CPA6: variants seen among roughly 807,000 people sequenced by gnomAD.
CPA6 encodes the protein carboxypeptidase A6.
Under a neutral mutation model 63.3 loss-of-function variants are expected in CPA6, and 58 were observed. The ratio of observed to expected loss-of-function variants is 0.92; its 90% CI spans 0.74 to 1.14. The LOEUF (loss-of-function observed/expected upper bound fraction) is 1.14. Among genes scored for constraint, CPA6 ranks in the 50% most tolerant of loss-of-function variants. CPA6 has a pLI of 0.00. For missense variants in CPA6, 565 were observed against 526.6 expected (o/e 1.07, Z -0.71); for synonymous variants, 185 against 179.0 (o/e 1.03, Z -0.27).
rs528939320 is a variant in CPA6 at position 67,634,288 on chromosome 8, C to T, written c.117-10037G>A. Among the ~76,000 whole-genome samples, 721 of 149,232 alleles carry T rather than the reference C, an allele frequency of 4.8e-3. 12 individuals carry two copies. Among genetic ancestry groups the T allele is most frequent in the Non-Finnish European group, 6.4e-3 (434 of 67,720 alleles). ...AGGCTGGAGTGCAGTGGCACTATCT[C>T]GGCTCACTACAAGCTCCGCCTCCCG... On this transcript the variant is annotated intron_variant, in intron 1 of 10. Transcript: ENST00000297770.
chr8:67,563,683 G>T (rs1313010012), intron 2 of CPA6, among the ~76,000 whole-genome samples: 1 of 152,132 alleles, frequency 6.6e-6, no homozygotes, highest in Non-Finnish European at 1.5e-5. Flanking sequence ...ATCTGAGATT[G>T]TATAGCCTTA....
At position 67,437,993 on chromosome 8, in the gene CPA6, G is replaced by A. The variant is rs572100206; in HGVS notation, c.839-3753C>T. 4.6e-5 allele frequency among the ~76,000 whole-genome samples: 7 copies of A among 152,238 alleles called. No individual in the cohort carries two copies. In the South Asian group the frequency reaches 1.5e-3, roughly 32 times the overall value. On this transcript the variant is annotated intron_variant, in intron 8 of 10. Transcript: ENST00000297770. ...TGCAGTGGTGCAATCTCAGCTCACT[G>A]CAACCTCTGCCTCCTTGAGTTCAAG... is the stretch of plus-strand genomic sequence containing the variant.
At chr8:67,684,055 AT>A (rs933599992) in intron 1 of CPA6, among the ~76,000 whole-genome samples, 30 of 127,614 alleles carry the variant, frequency 2.4e-4, no homozygotes, top group South Asian at 1.0e-3. Context: ...TTATTTATTT[AT>A]TTTTTTTTTT....
chr8:67,731,443 A>G (rs1352330390), intron 1 of CPA6, among the ~76,000 whole-genome samples: 1 of 152,208 alleles, frequency 6.6e-6, no homozygotes, highest in Non-Finnish European at 1.5e-5. Flanking sequence ...AGCCTTTCTC[A>G]CAGGGACCAA....
chr8:67,508,578 G>C (rs1302331390), intron 5 of CPA6, among the ~76,000 whole-genome samples: 3 of 152,148 alleles, frequency 2.0e-5, no homozygotes, highest in Non-Finnish European at 2.9e-5. Context: ...GAAAGGATAA[G>C]GGGAAAGGAG....
At chr8:67,435,483 G>T (rs1050985669) in intron 8 of CPA6, among the ~76,000 whole-genome samples, 7 of 152,190 alleles carry the variant, frequency 4.6e-5, no homozygotes, top group Non-Finnish European at 8.8e-5. Context: ...ACCTCTTGGG[G>T]CCCTGTGATG....
chr8:67,691,169 CTT>C (rs1816805964), intron 1 of CPA6, among the ~76,000 whole-genome samples: 1 of 152,198 alleles, frequency 6.6e-6, no homozygotes, highest in Admixed American at 6.5e-5. Context: ...ATATTTGTCT[CTT>C]AGCCTTCTAG....
intron 1 of CPA6, among the ~76,000 whole-genome samples, chr8:67,716,767 C>A (rs1337185276): frequency 6.6e-6 from 1 of 152,138 alleles, no homozygotes; most frequent in Non-Finnish European, 1.5e-5. Flanking sequence ...TTGACTTTTC[C>A]TTTTGGCTTA....
intron 8 of CPA6, among the ~76,000 whole-genome samples, chr8:67,443,801 A>G (rs1194074486): frequency 3.9e-5 from 6 of 152,300 alleles, no homozygotes; most frequent in Non-Finnish European, 8.8e-5. Flanking sequence ...CACAATTACA[A>G]CAATCTGGGC....
At chr8:67,552,774 C>CA (rs762395117) in intron 2 of CPA6, among the ~76,000 whole-genome samples, 706 of 20,908 alleles carry the variant, frequency 0.034, 137 homozygotes, top group African/African-American at 0.061. Context: ...AAGACTGTCT[C>CA]AAAAAAAAAA....
At chr8:67,493,042 T>TA (rs917118053) in intron 6 of CPA6, among the ~76,000 whole-genome samples, 22 of 152,232 alleles carry the variant, frequency 1.4e-4, no homozygotes, top group African/African-American at 5.3e-4. Flanking sequence ...TCAGACAATT[T>TA]AAAAAATGAA....
chr8:67,496,214 G>A (rs949237750), intron 6 of CPA6, among the ~76,000 whole-genome samples: 1 of 151,920 alleles, frequency 6.6e-6, no homozygotes, highest in East Asian at 1.9e-4. Flanking sequence ...ACTATTTTAT[G>A]TTGTTTCCCG....
In CPA6 at chr8:67,427,218, C is replaced by T. The variant is rs566838866; in HGVS notation, c.1126+829G>A. ...GCAGTGGACCTAACAACAAAGCAACCCTTATCTTCCATTGGTTTTACATAC... is the reference window on the plus strand; with the variant it reads ...GCAGTGGACCTAACAACAAAGCAACTCTTATCTTCCATTGGTTTTACATAC... On this transcript the variant is annotated intron_variant, in intron 10 of 10. Transcript: ENST00000297770. Among the ~76,000 whole-genome samples, 10 of 152,238 alleles carry T rather than the reference C, an allele frequency of 6.6e-5. 1 individual carries two copies. Among genetic ancestry groups the T allele is most frequent in the Admixed American group, 4.6e-4 (7 of 15,292 alleles).
intron 2 of CPA6, among the ~76,000 whole-genome samples, chr8:67,560,362 C>G (rs951553584): frequency 1.3e-5 from 2 of 152,118 alleles, no homozygotes; most frequent in African/African-American, 4.8e-5. Context: ...GCTACACCTT[C>G]TCAAACTTCC....
chr8:67,662,310 A>G (rs1435256486), intron 1 of CPA6, among the ~76,000 whole-genome samples: 3 of 152,158 alleles, frequency 2.0e-5, no homozygotes, highest in Admixed American at 2.0e-4. Context: ...TTCTGTCTCC[A>G]TCTTGAGTAC....
chr8:67,564,415 C>CTTTT (rs200491437), intron 2 of CPA6, among the ~76,000 whole-genome samples: 1 of 141,156 alleles, frequency 7.1e-6, no homozygotes. Flanking sequence ...TAAAAGTGTT[C>CTTTT]TTTTTTTTTT....
chr8:67,435,147 T>C (rs772714720), intron 8 of CPA6, among the ~76,000 whole-genome samples: 2 of 151,658 alleles, frequency 1.3e-5, no homozygotes, highest in Non-Finnish European at 2.9e-5. Flanking sequence ...GTTTTGGAGG[T>C]CCCCCCAGAG....
intron 2 of CPA6, among the ~76,000 whole-genome samples, chr8:67,589,417 C>T (rs950249130): frequency 2.0e-5 from 3 of 152,152 alleles, no homozygotes; most frequent in Non-Finnish European, 2.9e-5. Context: ...TATAGACAGA[C>T]ATTTAATATC....
At chr8:67,453,780 G>A (rs1346507160) in intron 8 of CPA6, among the ~76,000 whole-genome samples, 1 of 152,142 alleles carries the variant, frequency 6.6e-6, no homozygotes, top group Non-Finnish European at 1.5e-5. Context: ...TTAGTATCCT[G>A]CATTAAAATT....
Sources: allele counts gnomAD v4.1 joint callset (sites outside exome capture counted in the v4.1 genomes callset), GRCh38; gene constraint gnomAD v4.1.1; transcripts MANE v1.5; gene names NCBI Gene and HGNC (gene_info 2026-07-23, HGNC 2026-07-21).